The following EPB41L3 variants were observed in gnomAD, a reference collection of about 807,000 sequenced individuals.
EPB41L3 encodes erythrocyte membrane protein band 4.1 like 3.
A neutral mutation model predicts 127.1 loss-of-function variants in EPB41L3; 57 were observed. The ratio of observed to expected loss-of-function variants is 0.45; its 90% CI spans 0.36 to 0.56. EPB41L3 has a LOEUF of 0.56. EPB41L3 is among the 20% of genes least tolerant of loss of function. EPB41L3 has a pLI of 0.00. For synonymous variants in EPB41L3, 572 were observed against 549.5 expected (o/e 1.04, Z -0.57); for missense variants, 1,273 against 1,372.2 (o/e 0.93, Z 1.14).
chr18:5,591,003 T>G (rs553139412), intron 3 of EPB41L3, among the ~76,000 whole-genome samples: 2 of 152,140 alleles, frequency 1.3e-5, no homozygotes, highest in Non-Finnish European at 2.9e-5. Flanking sequence ...ATCTCACAAA[T>G]CTGTACATAC....
chr18:5,503,029 C>A (rs114127359), intron 1 of EPB41L3, among the ~76,000 whole-genome samples: 89 of 152,242 alleles, frequency 5.8e-4, no homozygotes, highest in African/African-American at 2.0e-3. Flanking sequence ...GAGTGATCAC[C>A]TCTGGATGGT....
intron 3 of EPB41L3, among the ~76,000 whole-genome samples, chr18:5,592,872 C>G (rs2094498653): frequency 6.6e-6 from 1 of 152,206 alleles, no homozygotes; most frequent in Admixed American, 6.5e-5. Context: ...TTGTCGTAGT[C>G]TCTGGATGTC....
At chr18:5,475,272 G>T (rs4798366) in intron 3 of EPB41L3, among the ~76,000 whole-genome samples, 105,245 of 152,066 alleles carry the variant, frequency 0.69, 36,586 homozygotes, top group East Asian at 0.8. Flanking sequence ...AAATAAATTA[G>T]TTGCTCTAAT....
In EPB41L3 at chr18:5,416,136, G is replaced by A. The variant is rs775234996; in HGVS notation, c.1749C>T (p.Thr583=). The A allele has an allele frequency of 1.2e-6, 2 of 1,613,652 alleles. No individual in the cohort carries two copies. The highest frequency in any genetic ancestry group is 2.7e-5 in the African/African-American group (2 of 74,892). ...FSYRQQTGKG[T]TLFSFSLQLP... ...GCTGCAAGGAGAAGGAGAACAGGGT[G>A]GTCCCCTTGCCAGTTTGCTGTCTGT... Residue 583 remains threonine, a synonymous_variant, in exon 13 of 23, where the codon ACC becomes ACT. Transcript: ENST00000341928.
At chr18:5,467,398 T>G (rs948132172) in intron 3 of EPB41L3, 1 of 152,300 alleles carries the variant, frequency 6.6e-6, no homozygotes, top group African/African-American at 2.4e-5. Context: ...ACTAAACCTG[T>G]TTCTCTTCAA....
At chr18:5,480,935 T>A (rs2088358913) in intron 2 of EPB41L3, 1 of 152,182 alleles carries the variant, frequency 6.6e-6, no homozygotes, top group South Asian at 2.1e-4. Flanking sequence ...AACATTTACT[T>A]TAGTAATTTT....
At chr18:5,571,297 A>G (rs1355933456) in intron 3 of EPB41L3, among the ~76,000 whole-genome samples, 1 of 152,206 alleles carries the variant, frequency 6.6e-6, no homozygotes, top group African/African-American at 2.4e-5. Context: ...TTCTTTAGAG[A>G]AAGGAACCCA....
intron 1 of EPB41L3, among the ~76,000 whole-genome samples, chr18:5,504,626 A>G (rs1433894092): frequency 6.6e-6 from 1 of 152,224 alleles, no homozygotes; most frequent in Non-Finnish European, 1.5e-5. Flanking sequence ...ATAGGGCCAC[A>G]GATGAGCATC....
intron 12 of EPB41L3, among the ~76,000 whole-genome samples, chr18:5,417,366 G>T (rs1164686515): frequency 6.6e-6 from 1 of 152,156 alleles, no homozygotes. Context: ...GGTCCTGGAA[G>T]TCTCCACGAC....
At chr18:5,435,394 T>C (rs903608754) in intron 6 of EPB41L3, among the ~76,000 whole-genome samples, 1 of 152,230 alleles carries the variant, frequency 6.6e-6, no homozygotes, top group Non-Finnish European at 1.5e-5. Flanking sequence ...GCGCCATTCA[T>C]GGTAAGTGGC....
intron 3 of EPB41L3, 134 bp downstream of exon 3, chr18:5,478,107 A>G: frequency 1.4e-6 from 1 of 693,326 alleles, no homozygotes; most frequent in Non-Finnish European, 2.3e-6. Context: ...TAGGGAAATA[A>G]TTTTATATTT....
rs1247289048 is a variant in EPB41L3 at position 5,543,678 on chromosome 18, C to T, written c.-12+235G>A. On this transcript the variant is annotated intron_variant, in intron 1 of 22. Coordinates refer to ENST00000341928, the MANE Select transcript of EPB41L3 (RefSeq NM_012307.5). The surrounding 1 kb of genome is among the most constrained non-coding windows in gnomAD (Gnocchi z 5.2). ...ACTGCGCCGCGGCGGGCGGAGCGGG[C>T]GGGGGGCGCGGCGCGCAGGCTCGGC... Among the ~76,000 whole-genome samples, 3 of 146,570 alleles carry T rather than the reference C, an allele frequency of 2.0e-5. No individual in the cohort carries two copies. Among genetic ancestry groups the T allele is most frequent in the Non-Finnish European group, 3.0e-5 (2 of 65,892 alleles).
intron 22 of EPB41L3, 89 bp downstream of exon 22, chr18:5,394,588 A>G (rs1380701780): frequency 1.1e-6 from 1 of 932,092 alleles, no homozygotes; most frequent in Non-Finnish European, 1.7e-6. Flanking sequence ...AGAACAGAGG[A>G]AAGGAGGGAT....
upstream of EPB41L3, among the ~76,000 whole-genome samples, chr18:5,545,017 G>T (rs565806167): frequency 7.2e-6 from 1 of 138,996 alleles, no homozygotes; most frequent in East Asian, 1.9e-4. Context: ...TACATATATA[G>T]TAAAATGGTT....
intron 1 of EPB41L3, among the ~76,000 whole-genome samples, chr18:5,494,386 A>C (rs2148396043): frequency 6.6e-6 from 1 of 152,318 alleles, no homozygotes; most frequent in East Asian, 1.9e-4. Flanking sequence ...GGCTGGGTGC[A>C]GTGGCTCACG....
intron 8 of EPB41L3, among the ~76,000 whole-genome samples, chr18:5,429,956 C>G (rs187079977): frequency 1.3e-4 from 20 of 152,250 alleles, no homozygotes; most frequent in Admixed American, 1.2e-3. Context: ...GGAACGAGGA[C>G]GCACTGCCAG....
rs566606211 is a variant in EPB41L3, at chr18:5,533,470, A to G, written c.-12+10443T>C. On this transcript the variant is annotated intron_variant, in intron 1 of 22. Transcript: ENST00000341928. ...GTCTGACCATTTACCATTGATATGA[A>G]TGTCACTAAACATAGCAACATTTGT... 5.3e-5 allele frequency among the ~76,000 whole-genome samples: 8 copies of G among 152,328 alleles called. No homozygotes were observed. In the South Asian group the frequency reaches 1.7e-3, roughly 32 times the overall value.
intron 8 of EPB41L3, among the ~76,000 whole-genome samples, chr18:5,431,020 C>G (rs1378140862): frequency 6.6e-6 from 1 of 152,116 alleles, no homozygotes; most frequent in Admixed American, 6.5e-5. Context: ...TTCTTTAATT[C>G]AACATCAGTG....
chr18:5,462,327 A>C (rs569709600), intron 3 of EPB41L3, among the ~76,000 whole-genome samples: 8 of 152,338 alleles, frequency 5.3e-5, no homozygotes, highest in Admixed American at 1.3e-4. Flanking sequence ...AAATTAAATA[A>C]ATAAAAGGAG....
Sources: gnomAD v4.1 joint callset for allele counts (sites outside exome capture counted in the v4.1 genomes callset) on GRCh38, gnomAD v4.1.1 for gene constraint, Gnocchi (gnomAD v3.1) non-coding constraint, MANE v1.5 for transcripts, NCBI Gene and HGNC (gene_info 2026-07-23, HGNC 2026-07-21) for gene names.